Variants in ASTN2 observed in about 807,000 individuals in gnomAD.
ASTN2 encodes the protein astrotactin 2.
ASTN2 carries 54 observed loss-of-function variants against 139.8 expected under a neutral mutation model. The observed-to-expected ratio is 0.39, with a 90% CI of 0.31 to 0.48. The LOEUF (loss-of-function observed/expected upper bound fraction) is 0.48, where lower values mean the gene tolerates loss of function less well. ASTN2 is among the 20% of genes least tolerant of loss of function. ASTN2 has a pLI of 0.95. For missense variants in ASTN2, 1,565 were observed against 1,725.1 expected, an observed-to-expected ratio of 0.91 and a Z score of 1.64; for synonymous variants, 756 against 719.5, an observed-to-expected ratio of 1.05 and a Z score of -0.81.
chr9:116,565,427 A>ATTTATTTATT (rs1554714242), intron 19 of ASTN2, among the ~76,000 whole-genome samples: 179 of 73,828 alleles, frequency 2.4e-3, no homozygotes, highest in Non-Finnish European at 3.2e-3. Flanking sequence ...ATATATATAT[A>ATTTATTTATT]TATTTATTTA....
rs1491422551 is a variant in ASTN2 at position 116,597,300 on chromosome 9, T to TTTTTG, written c.3355+21023_3355+21024insCAAAA. Among the ~76,000 whole-genome samples the TTTTTG allele has an allele frequency of 1.5e-4, 8 of 51,952 alleles. 1 individual carries two copies. The highest frequency in any genetic ancestry group is 8.0e-4 in the African/African-American group (8 of 9,986). The allele number at this position is 51,952 out of a possible 152,430, so 34.1% of individuals were successfully genotyped here. A position where few individuals can be genotyped will look rare whatever the true frequency, so the allele number is the denominator to read the frequency against. ...AAAATATTCCATGACTTTTGATCTA[T>TTTTTG]TTTTTTTTTTTTTTTTTTTTTTTGG... On this transcript the variant is annotated intron_variant, in intron 19 of 22. Coordinates refer to ENST00000313400, the MANE Select transcript of ASTN2 (RefSeq NM_001365068.1).
chr9:117,261,205 G>A (rs1833814015), intron 2 of ASTN2, among the ~76,000 whole-genome samples: 1 of 152,114 alleles, frequency 6.6e-6, no homozygotes, highest in African/African-American at 2.4e-5. Flanking sequence ...GAAGATCCCT[G>A]GGCATTTTCA....
chr9:117,051,210 C>T (rs1035556167), intron 5 of ASTN2, among the ~76,000 whole-genome samples: 1 of 123,902 alleles, frequency 8.1e-6, no homozygotes, highest in Non-Finnish European at 1.8e-5. Flanking sequence ...GTCACCTAAA[C>T]TTGGAGCTTA....
intron 10 of ASTN2, among the ~76,000 whole-genome samples, chr9:116,884,901 C>T (rs558498571): frequency 2.3e-3 from 337 of 149,474 alleles, no homozygotes; most frequent in Admixed American, 3.8e-3. Context: ...CTGCAAGCTC[C>T]GCCTCCTGGG....
chr9:116,494,722 C>CT (rs568442562), intron 19 of ASTN2, among the ~76,000 whole-genome samples: 73 of 152,270 alleles, frequency 4.8e-4, no homozygotes, highest in Non-Finnish European at 9.8e-4. Flanking sequence ...GTGAATTGTG[C>CT]TTTTGCAGAT....
At chr9:116,782,176 T>G (rs10759860) in intron 13 of ASTN2, among the ~76,000 whole-genome samples, 110,801 of 152,046 alleles carry the variant, frequency 0.73, 40,658 homozygotes, top group East Asian at 0.9. Flanking sequence ...AGTTTCAGAC[T>G]CAAAGATCAC....
rs138871828 is a variant in ASTN2 at position 116,762,938 on chromosome 9, G to A, written c.2397-29415C>T. ...ACATTGGGATTTGTTATTTCTCTCC[G>A]TTTCACAGATGATGAAACTGAGGCT... On this transcript the variant is annotated intron_variant, in intron 13 of 22. Coordinates refer to ENST00000313400, the MANE Select transcript of ASTN2 (RefSeq NM_001365068.1). Among the ~76,000 whole-genome samples the A allele has an allele frequency of 3.3e-3, 501 of 152,214 alleles. 1 individual carries two copies. Among genetic ancestry groups the A allele is most frequent in the African/African-American group, 0.011 (476 of 41,536 alleles).
intron 1 of ASTN2, among the ~76,000 whole-genome samples, chr9:117,382,634 C>G (rs1467200423): frequency 6.6e-6 from 1 of 152,120 alleles, no homozygotes; most frequent in African/African-American, 2.4e-5. Context: ...AACACACACC[C>G]AACTCGAATC....
rs12236599 is a variant in ASTN2 at position 116,610,729 on chromosome 9, A to G, written c.3355+7595T>C. Among the ~76,000 whole-genome samples the G allele has an allele frequency of 0.019, 2,894 of 152,302 alleles. 393 individuals carry two copies. The South Asian group carries it at 0.29, about 15-fold the overall frequency. On this transcript the variant is annotated intron_variant, in intron 19 of 22. Transcript: ENST00000313400. ...TAACAGAAATATGCAAGGTCATTTC[A>G]CAATATAAAGGGATCCATTCATCAA...
intron 1 of ASTN2, among the ~76,000 whole-genome samples, chr9:117,302,963 C>A (rs1485064834): frequency 1.3e-5 from 2 of 152,254 alleles, no homozygotes; most frequent in East Asian, 3.9e-4. Flanking sequence ...TTGTTCAGAC[C>A]ATGTCACCTG....
chr9:117,321,648 G>A (rs1828328406), intron 1 of ASTN2, among the ~76,000 whole-genome samples: 1 of 152,166 alleles, frequency 6.6e-6, no homozygotes, highest in African/African-American at 2.4e-5. Flanking sequence ...GGCAAGGAGT[G>A]GGGATGTTCT....
At chr9:116,743,691 C>T (rs151141700) in intron 13 of ASTN2, among the ~76,000 whole-genome samples, 1 of 152,138 alleles carries the variant, frequency 6.6e-6, no homozygotes, top group Non-Finnish European at 1.5e-5. Context: ...TTAGTAGAGA[C>T]GGGGTTTCAC....
At chr9:117,167,162 G>A (rs921134307) in intron 3 of ASTN2, among the ~76,000 whole-genome samples, 25 of 151,964 alleles carry the variant, frequency 1.6e-4, no homozygotes, top group Non-Finnish European at 1.9e-4. Context: ...AAAATACTTC[G>A]AGCGAAACAC....
chr9:116,763,609 T>A (rs1017702040), intron 13 of ASTN2, among the ~76,000 whole-genome samples: 1 of 151,992 alleles, frequency 6.6e-6, no homozygotes, highest in Non-Finnish European at 1.5e-5. Flanking sequence ...TAGAGTCAGC[T>A]AGACCTGGAT....
intron 19 of ASTN2, among the ~76,000 whole-genome samples, chr9:116,578,041 A>C (rs544930198): frequency 1.1e-4 from 16 of 152,300 alleles, no homozygotes; most frequent in Admixed American, 2.0e-4. Flanking sequence ...AAGGCAAAAG[A>C]TAATTATGAA....
At chr9:117,084,751 T>C (rs1044768166) in intron 5 of ASTN2, among the ~76,000 whole-genome samples, 11 of 152,188 alleles carry the variant, frequency 7.2e-5, no homozygotes, top group African/African-American at 2.7e-4. Flanking sequence ...GGAATTGGAA[T>C]GTGTTGTTGG....
intron 2 of ASTN2, among the ~76,000 whole-genome samples, chr9:117,288,002 A>G (rs1834492339): frequency 6.6e-6 from 1 of 152,212 alleles, no homozygotes; most frequent in African/African-American, 2.4e-5. Context: ...CTAACGTAAA[A>G]TTACCAGGAA....
intron 1 of ASTN2, among the ~76,000 whole-genome samples, chr9:117,352,037 T>C (rs1829408526): frequency 6.6e-6 from 1 of 152,186 alleles, no homozygotes; most frequent in Non-Finnish European, 1.5e-5. Context: ...CTGTGAAGAT[T>C]TCCCAACATT....
intron 10 of ASTN2, among the ~76,000 whole-genome samples, chr9:116,878,312 C>A (rs1444957638): frequency 6.6e-6 from 1 of 152,130 alleles, no homozygotes; most frequent in Non-Finnish European, 1.5e-5. Flanking sequence ...CCCAAATGCC[C>A]GTCATGACAG....
Sources: gnomAD v4.1 joint callset for allele counts (sites outside exome capture counted in the v4.1 genomes callset) on GRCh38, gnomAD v4.1.1 for gene constraint, MANE v1.5 for transcripts, NCBI Gene and HGNC (gene_info 2026-07-23, HGNC 2026-07-21) for gene names.